The following GRIN3A variants were observed in gnomAD, a reference collection of about 807,000 sequenced individuals.
The protein encoded by GRIN3A is glutamate receptor ionotropic, NMDA 3A.
Under a neutral mutation model 92.4 loss-of-function variants are expected in GRIN3A, and 47 were observed. The observed-to-expected ratio is 0.51, with a 90% CI of 0.40 to 0.65. GRIN3A has a LOEUF of 0.65. Among genes scored for constraint, GRIN3A ranks in the 30% least tolerant of loss-of-function variants. GRIN3A has a pLI of 0.00. For missense variants in GRIN3A, 1,324 were observed against 1,393.1 expected (o/e 0.95, Z 0.79); for synonymous variants, 527 against 540.6 (o/e 0.97, Z 0.35).
chr9:101,689,743 T>TAC (rs33984810), intron 1 of GRIN3A, among the ~76,000 whole-genome samples: 20,981 of 143,636 alleles, frequency 0.15, 1,522 homozygotes, highest in South Asian at 0.24. Context: ...CACACACACA[T>TAC]ACACACACAC....
At position 101,686,707 on chromosome 9, in the gene GRIN3A, C is replaced by A; in HGVS notation, c.1193G>T (p.Arg398Ile). 3.7e-6 allele frequency: 6 copies of A among 1,614,190 alleles called. No homozygotes were observed. Among genetic ancestry groups the A allele is most frequent in the Non-Finnish European group, 4.2e-6 (5 of 1,180,036 alleles). ...GATCATGGTGGCTGTGGCTACAGCT[C>A]TTGCGACCAGCTCCATAGCATCTTG... ...YVQDAMELVA[R>I]AVATATMIQP... Residue 398 changes from arginine (R) to isoleucine (I), a missense_variant, in exon 2 of 9, where the codon AGA (arginine) becomes ATA (isoleucine). By Grantham distance (97) the Arg-to-Ile change is moderately conservative. Coordinates refer to ENST00000361820, the MANE Select transcript of GRIN3A (RefSeq NM_133445.3).
At chr9:101,647,821 TCAGTTA>T (rs975294821) in intron 3 of GRIN3A, among the ~76,000 whole-genome samples, 29 of 152,100 alleles carry the variant, frequency 1.9e-4, no homozygotes, top group African/African-American at 6.7e-4. Context: ...TTCTGTGGTA[TCAGTTA>T]CAATGTCTCC....
chr9:101,733,853 C>A (rs892190896), intron 1 of GRIN3A, among the ~76,000 whole-genome samples: 1 of 149,014 alleles, frequency 6.7e-6, no homozygotes, highest in African/African-American at 2.5e-5. Context: ...AGTGGGATCA[C>A]TTTTTTTTTT....
At chr9:101,735,144 T>C (rs940205194) in intron 1 of GRIN3A, among the ~76,000 whole-genome samples, 3 of 133,480 alleles carry the variant, frequency 2.2e-5, no homozygotes, top group African/African-American at 8.0e-5. Context: ...AGAATGACAT[T>C]TAAATGAGAT....
intron 1 of GRIN3A, among the ~76,000 whole-genome samples, chr9:101,728,859 G>T (rs1435852112): frequency 6.6e-6 from 1 of 152,182 alleles, no homozygotes; most frequent in Non-Finnish European, 1.5e-5. Context: ...AAAATATGGA[G>T]ATTTTGCTTC....
chr9:101,676,077 G>A (rs1829390991), intron 2 of GRIN3A, among the ~76,000 whole-genome samples: 1 of 151,666 alleles, frequency 6.6e-6, no homozygotes, highest in Non-Finnish European at 1.5e-5. Flanking sequence ...TATTTTTTCT[G>A]GCTGTGGAAA....
At chr9:101,675,643 T>C (rs1188764804) in intron 2 of GRIN3A, among the ~76,000 whole-genome samples, 1 of 149,914 alleles carries the variant, frequency 6.7e-6, no homozygotes, top group Admixed American at 6.7e-5. Flanking sequence ...GATTTAGACC[T>C]GGCACAATGT....
chr9:101,695,641 A>G (rs764653677), intron 1 of GRIN3A, among the ~76,000 whole-genome samples: 3 of 152,176 alleles, frequency 2.0e-5, no homozygotes, highest in Admixed American at 1.3e-4. Context: ...AAGCTTCATC[A>G]CATGCCTGAC....
In GRIN3A at chr9:101,650,812, T is replaced by A. The variant is rs1169789593; in HGVS notation, c.2352+19248A>T. On this transcript the variant is annotated intron_variant, in intron 3 of 8. Coordinates refer to ENST00000361820, the MANE Select transcript of GRIN3A (RefSeq NM_133445.3). ...ACATGCTGTTACCTCTGCCTGGAATTCCACCCCCCCACACACATTTTGTTT... is the reference window on the plus strand; with the variant it reads ...ACATGCTGTTACCTCTGCCTGGAATACCACCCCCCCACACACATTTTGTTT... Among the ~76,000 whole-genome samples, 3 of 151,924 alleles carry A rather than the reference T, an allele frequency of 2.0e-5. No individual in the cohort carries two copies. The East Asian group carries it at 5.8e-4, about 30-fold the overall frequency.
At chr9:101,614,928 C>T (rs1415234855) in intron 5 of GRIN3A, among the ~76,000 whole-genome samples, 1 of 151,738 alleles carries the variant, frequency 6.6e-6, no homozygotes, top group African/African-American at 2.4e-5. Context: ...TGTGATAATA[C>T]TTATTATTTT....
intron 1 of GRIN3A, among the ~76,000 whole-genome samples, chr9:101,707,963 A>G (rs552342107): frequency 6.4e-4 from 97 of 152,208 alleles, no homozygotes; most frequent in African/African-American, 2.1e-3. Context: ...ATGTTGACTC[A>G]TTGCACCCTG....
Position 101,579,251 on chromosome 9 carries a change from A to G in GRIN3A, c.2876T>C (p.Leu959Pro). ...TIGEHIVYRL[L>P]LPRIKNKSKL... is the part of the protein sequence containing the mutation. ...GGATTTGTTTTTGATTCGTGGTAGC[A>G]GCAGCCTGTATACTATGTGCTCACC... Residue 959 changes from leucine (L) to proline (P), a missense_variant, in exon 7 of 9, where the codon CTG (leucine) becomes CCG (proline). Coordinates refer to ENST00000361820, the MANE Select transcript of GRIN3A (RefSeq NM_133445.3). The G allele has an allele frequency of 6.2e-7, 1 of 1,614,010 alleles. No homozygotes were observed. The highest frequency in any genetic ancestry group is 8.5e-7 in the Non-Finnish European group (1 of 1,179,914).
At chr9:101,656,848 G>T (rs1395779303) in intron 3 of GRIN3A, among the ~76,000 whole-genome samples, 1 of 151,906 alleles carries the variant, frequency 6.6e-6, no homozygotes, top group Non-Finnish European at 1.5e-5. Context: ...CCTATGAGGA[G>T]TAGAGAGCGA....
At chr9:101,630,847 G>A (rs1439595479) in intron 3 of GRIN3A, among the ~76,000 whole-genome samples, 1 of 152,176 alleles carries the variant, frequency 6.6e-6, no homozygotes, top group Non-Finnish European at 1.5e-5. Flanking sequence ...ACTTTCATTT[G>A]TTTGTGTAAT....
chr9:101,618,481 T>C (rs1828499799), intron 5 of GRIN3A, among the ~76,000 whole-genome samples: 1 of 151,964 alleles, frequency 6.6e-6, no homozygotes, highest in African/African-American at 2.4e-5. Flanking sequence ...GAAATGCAAA[T>C]CAAAACCACA....
intron 1 of GRIN3A, among the ~76,000 whole-genome samples, chr9:101,727,997 C>G (rs1830099364): frequency 6.6e-6 from 1 of 151,802 alleles, no homozygotes; most frequent in South Asian, 2.1e-4. Flanking sequence ...ACAATAACAT[C>G]TCTCTGTGTG....
chr9:101,721,414 A>G (rs1830011541), intron 1 of GRIN3A, among the ~76,000 whole-genome samples: 1 of 152,136 alleles, frequency 6.6e-6, no homozygotes, highest in South Asian at 2.1e-4. Flanking sequence ...GCAGCATGAA[A>G]ACTAACTAAT....
At position 101,715,564 on chromosome 9, in the gene GRIN3A, A is replaced by G. The variant is rs1374251304; in HGVS notation, c.699+21717T>C. 2.8e-4 allele frequency among the ~76,000 whole-genome samples: 42 copies of G among 152,228 alleles called. 1 individual carries two copies. The highest frequency in any genetic ancestry group is 2.7e-3 in the Admixed American group (42 of 15,282). On this transcript the variant is annotated intron_variant, in intron 1 of 8. Coordinates refer to ENST00000361820, the MANE Select transcript of GRIN3A (RefSeq NM_133445.3). ...ATAGTGGGATTAAAATTTCTTTTCT[A>G]AAGTTTCACATTTTTTTGATTTTTA...
chr9:101,627,373 T>A (rs1828647885), intron 4 of GRIN3A, among the ~76,000 whole-genome samples: 1 of 152,228 alleles, frequency 6.6e-6, no homozygotes, highest in African/African-American at 2.4e-5. Flanking sequence ...AAAACCCTTA[T>A]GTTCCATGAA....
Sources: gnomAD v4.1 joint callset for allele counts (sites outside exome capture counted in the v4.1 genomes callset) on GRCh38, gnomAD v4.1.1 for gene constraint, MANE v1.5 for transcripts, NCBI Gene and HGNC (gene_info 2026-07-23, HGNC 2026-07-21) for gene names.